Variants in PPARGC1A observed in about 807,000 individuals in gnomAD.
PPARGC1A encodes peroxisome proliferator-activated receptor gamma coactivator 1-alpha.
A neutral mutation model predicts 88.7 loss-of-function variants in PPARGC1A; 25 were observed. The ratio of observed to expected loss-of-function variants is 0.28; its 90% CI spans 0.21 to 0.39. The LOEUF is 0.39. PPARGC1A is among the 10% of genes least tolerant of loss of function. PPARGC1A has a pLI of 1.00. For synonymous variants in PPARGC1A, 363 were observed against 355.6 expected (o/e 1.02, Z -0.24); for missense variants, 880 against 968.7 (o/e 0.91, Z 1.22).
chr4:24,229,862 A>ATTTGTTGATGG, the PPARGC1A span, among the ~76,000 whole-genome samples: 1 of 142,844 alleles, frequency 7.0e-6, no homozygotes, highest in Non-Finnish European at 1.5e-5. Context: ...AAAAAAAAAG[A>ATTTGTTGATGG]TTTGTTGATG....
chr4:23,895,195 G>A lies in PPARGC1A; in HGVS notation n.52+4072C>T, dbSNP rs376218520. Among the ~76,000 whole-genome samples the A allele has an allele frequency of 1.6e-3, 230 of 142,740 alleles. 1 individual carries two copies. Among genetic ancestry groups the A allele is most frequent in the African/African-American group, 5.2e-3 (199 of 38,482 alleles). 93.6% of individuals were successfully genotyped at this position (142,740 alleles called of 152,430 possible). On this transcript the variant is annotated intron_variant and non_coding_transcript_variant, in intron 1 of 3. Transcript: ENST00000507342. ...AAAAAAAAGCAATCAAACCATTCCC[G>A]TGATACTTATTTTTTAGTGCTTGAG...
chr4:23,874,807 C>T (rs138882759), intron 2 of PPARGC1A, among the ~76,000 whole-genome samples: 7 of 152,174 alleles, frequency 4.6e-5, no homozygotes, highest in African/African-American at 1.7e-4. Context: ...GTTTTTTCCT[C>T]CTCTTCCCTA....
the PPARGC1A span, among the ~76,000 whole-genome samples, chr4:24,073,737 GA>G: frequency 6.6e-6 from 1 of 152,204 alleles, no homozygotes; most frequent in Admixed American, 6.5e-5. Context: ...AGAGGCTGAG[GA>G]AATTATCATG....
chr4:23,960,119 C>T, the PPARGC1A span, among the ~76,000 whole-genome samples: 1 of 152,046 alleles, frequency 6.6e-6, no homozygotes, highest in Non-Finnish European at 1.5e-5. Flanking sequence ...ATTTGAAATC[C>T]CCTGATAAGG....
chr4:24,156,521 C>T, the PPARGC1A span, among the ~76,000 whole-genome samples: 1 of 152,022 alleles, frequency 6.6e-6, no homozygotes, highest in Non-Finnish European at 1.5e-5. Context: ...GTGGAAAATG[C>T]TAGGTGTCCC....
At chr4:24,084,536 G>T in the PPARGC1A span, among the ~76,000 whole-genome samples, 4 of 152,176 alleles carry the variant, frequency 2.6e-5, no homozygotes, top group African/African-American at 9.7e-5. Flanking sequence ...AATTTCCTTG[G>T]CCTAAGTGTC....
chr4:24,144,640 G>C, the PPARGC1A span, among the ~76,000 whole-genome samples: 44 of 150,440 alleles, frequency 2.9e-4, no homozygotes, highest in Non-Finnish European at 5.0e-4. Context: ...CAGAGAGGGA[G>C]CCACCGAGAA....
the PPARGC1A span, among the ~76,000 whole-genome samples, chr4:24,012,492 A>G: frequency 6.6e-6 from 1 of 150,846 alleles, no homozygotes; most frequent in Non-Finnish European, 1.5e-5. Context: ...TGAATTGTAC[A>G]CTCCCCTCTG....
At chr4:23,869,619 G>A (rs1712836280) in intron 2 of PPARGC1A, among the ~76,000 whole-genome samples, 1 of 132,874 alleles carries the variant, frequency 7.5e-6, no homozygotes, top group Non-Finnish European at 1.5e-5. Context: ...TGTTTTGAAA[G>A]CTCTAAGGTT....
chr4:24,187,581 CCTCT>C, the PPARGC1A span, among the ~76,000 whole-genome samples: 2 of 152,120 alleles, frequency 1.3e-5, no homozygotes, highest in African/African-American at 4.8e-5. Context: ...TCAGTATCTC[CCTCT>C]AAGAAAGAGA....
chr4:24,285,837 A>G, the PPARGC1A span, among the ~76,000 whole-genome samples: 1 of 152,098 alleles, frequency 6.6e-6, no homozygotes, highest in Non-Finnish European at 1.5e-5. Context: ...CAATGCAGTC[A>G]TGAGGATAAA....
intron 1 of PPARGC1A, among the ~76,000 whole-genome samples, chr4:23,885,166 A>G (rs1237309937): frequency 6.6e-6 from 1 of 152,216 alleles, no homozygotes; most frequent in Non-Finnish European, 1.5e-5. Flanking sequence ...CACATGGTAA[A>G]TACCAAGCTC....
chr4:24,162,888 C>T, the PPARGC1A span, among the ~76,000 whole-genome samples: 1 of 152,046 alleles, frequency 6.6e-6, no homozygotes, highest in East Asian at 1.9e-4. Context: ...GTCACCACAC[C>T]TGGCCCTTAC....
At chr4:23,903,957 C>T, upstream of PPARGC1A, 4 of 853,234 alleles carry the variant, frequency 4.7e-6, no homozygotes, top group South Asian at 1.6e-4. Flanking sequence ...TAGCATAAAG[C>T]CTCCTAGGTG....
chr4:23,968,718 C>G, the PPARGC1A span, among the ~76,000 whole-genome samples: 1 of 152,086 alleles, frequency 6.6e-6, no homozygotes, highest in Non-Finnish European at 1.5e-5. Context: ...AGTTCGAGAA[C>G]AGTCTGGCCA....
chr4:24,149,273 T>C, the PPARGC1A span, among the ~76,000 whole-genome samples: 1 of 152,322 alleles, frequency 6.6e-6, no homozygotes, highest in East Asian at 1.9e-4. Context: ...CCTGTATATA[T>C]TGCCATAATT....
the PPARGC1A span, among the ~76,000 whole-genome samples, chr4:23,948,346 C>A: frequency 6.6e-6 from 1 of 152,086 alleles, no homozygotes; most frequent in Non-Finnish European, 1.5e-5. Flanking sequence ...AAGGAGGGAG[C>A]AGGAGGGAGG....
chr4:24,324,895 C>A, the PPARGC1A span, among the ~76,000 whole-genome samples: 2 of 152,128 alleles, frequency 1.3e-5, no homozygotes, highest in African/African-American at 2.4e-5. Flanking sequence ...CTCTCCCCTC[C>A]TCGCCAGCCC....
chr4:24,424,933 A>G, the PPARGC1A span, among the ~76,000 whole-genome samples: 1 of 152,216 alleles, frequency 6.6e-6, no homozygotes, highest in Non-Finnish European at 1.5e-5. Flanking sequence ...CAGGGGTTCC[A>G]CTTAATAAAC....
Sources: allele counts gnomAD v4.1 joint callset (sites outside exome capture counted in the v4.1 genomes callset), GRCh38; gene constraint gnomAD v4.1.1; transcripts MANE v1.5; gene names NCBI Gene and HGNC (gene_info 2026-07-23, HGNC 2026-07-21).